The following TLN2 variants were observed in gnomAD, a reference collection of about 807,000 sequenced individuals.
The protein encoded by TLN2 is talin-2.
In TLN2, 118 loss-of-function variants were observed where a neutral mutation model predicts 294.7. The ratio of observed to expected loss-of-function variants is 0.40; its 90% CI spans 0.34 to 0.47. TLN2 has a LOEUF of 0.47. TLN2 is among the 20% of genes least tolerant of loss of function. The pLI is 0.84. For missense variants in TLN2, 3,083 were observed against 3,282.2 expected (o/e 0.94, Z 1.48); for synonymous variants, 1,431 against 1,304.5 (o/e 1.10, Z -2.09).
chr15:62,445,710 A>T (rs2140311809), intron 1 of TLN2, among the ~76,000 whole-genome samples: 1 of 151,734 alleles, frequency 6.6e-6, no homozygotes, highest in African/African-American at 2.4e-5. Context: ...GTCACCGAGG[A>T]TGGAGTGCAA....
chr15:62,405,753 G>C (rs983087288), intron 1 of TLN2, among the ~76,000 whole-genome samples: 15 of 152,184 alleles, frequency 9.9e-5, no homozygotes, highest in African/African-American at 3.6e-4. Flanking sequence ...GTGCTGCTCT[G>C]ACAGAAGGAG....
At chr15:62,809,680 A>T (rs777099721) in intron 51 of TLN2, among the ~76,000 whole-genome samples, 4 of 152,204 alleles carry the variant, frequency 2.6e-5, no homozygotes, top group Non-Finnish European at 5.9e-5. Flanking sequence ...AAAGGTCCAG[A>T]TTGAGCTGTT....
intron 9 of TLN2, among the ~76,000 whole-genome samples, chr15:62,662,516 A>G (rs569822128): frequency 7.9e-5 from 12 of 152,312 alleles, no homozygotes; most frequent in Admixed American, 3.3e-4. Flanking sequence ...TAAGTCCAAC[A>G]TGACATATGT....
intron 1 of TLN2, among the ~76,000 whole-genome samples, chr15:62,467,079 A>G (rs1373888950): frequency 6.6e-6 from 1 of 152,224 alleles, no homozygotes; most frequent in Non-Finnish European, 1.5e-5. Flanking sequence ...GGCAGATTTT[A>G]AAGTTGACCA....
chr15:62,563,261 T>G (rs746020736), intron 1 of TLN2, among the ~76,000 whole-genome samples: 1 of 152,174 alleles, frequency 6.6e-6, no homozygotes, highest in Non-Finnish European at 1.5e-5. Flanking sequence ...ACATCTATTA[T>G]GTTTTTTATT....
At chr15:62,467,684 CAA>C (rs11290809) in intron 1 of TLN2, among the ~76,000 whole-genome samples, 1 of 150,878 alleles carries the variant, frequency 6.6e-6, no homozygotes, top group Non-Finnish European at 1.5e-5. Context: ...GACTCTGTCT[CAA>C]AAAAAAAATT....
At chr15:62,410,346 T>C (rs1566950222) in intron 1 of TLN2, among the ~76,000 whole-genome samples, 1 of 152,094 alleles carries the variant, frequency 6.6e-6, no homozygotes. Context: ...AAGTTAGAGA[T>C]AAATAAAGTA....
chr15:62,495,177 T>A (rs1271592090), intron 1 of TLN2, among the ~76,000 whole-genome samples: 7 of 152,244 alleles, frequency 4.6e-5, no homozygotes, highest in African/African-American at 1.7e-4. Context: ...TTTTTCATCC[T>A]ATTATTTCCA....
At chr15:62,785,377 G>A (rs1236348838) in intron 45 of TLN2, among the ~76,000 whole-genome samples, 2 of 152,186 alleles carry the variant, frequency 1.3e-5, no homozygotes, top group Non-Finnish European at 2.9e-5. Context: ...TGGACAAAAG[G>A]AAAAGTGGGC....
intron 28 of TLN2, among the ~76,000 whole-genome samples, chr15:62,730,343 T>C (rs2060654014): frequency 6.6e-6 from 1 of 152,166 alleles, no homozygotes. Context: ...CCCAGCCTTA[T>C]GTTTTAATTC....
At chr15:62,701,636 C>A (rs1170923488) in intron 17 of TLN2, among the ~76,000 whole-genome samples, 1 of 152,156 alleles carries the variant, frequency 6.6e-6, no homozygotes, top group Non-Finnish European at 1.5e-5. Flanking sequence ...CTTTCACTGT[C>A]AGAGGAGAGC....
intron 43 of TLN2, among the ~76,000 whole-genome samples, chr15:62,778,562 A>G (rs1483249946): frequency 1.3e-5 from 2 of 152,378 alleles, no homozygotes; most frequent in South Asian, 2.1e-4. Flanking sequence ...CGTCAGATCC[A>G]AAGTCTTTCT....
At chr15:62,833,685 G>A (rs993514327) in intron 55 of TLN2, 56 bp downstream of exon 55, 16 of 1,578,446 alleles carry the variant, frequency 1.0e-5, no homozygotes, top group African/African-American at 1.4e-5. Context: ...GCCTCAGGGG[G>A]CCCAGGAAAA....
chr15:62,499,316 G>A (rs949715233), intron 1 of TLN2, among the ~76,000 whole-genome samples: 8 of 152,120 alleles, frequency 5.3e-5, no homozygotes, highest in African/African-American at 1.7e-4. Flanking sequence ...CAGGCGTGGT[G>A]GTGCTCACCT....
intron 50 of TLN2, among the ~76,000 whole-genome samples, chr15:62,805,223 G>C (rs1034653385): frequency 1.3e-4 from 1 of 7,898 alleles, no homozygotes; most frequent in Non-Finnish European, 6.1e-4. Flanking sequence ...CTGGGACTGA[G>C]AGTGTATGGA....
intron 16 of TLN2, 98 bp from the exon 17 acceptor site, chr15:62,701,008 T>C: frequency 9.4e-7 from 1 of 1,061,506 alleles, no homozygotes; most frequent in Non-Finnish European, 1.4e-6. Flanking sequence ...ATAAGAAGAA[T>C]GTAGCCAAAA....
At chr15:62,773,003 G>A (rs1220279992) in intron 42 of TLN2, among the ~76,000 whole-genome samples, 1 of 152,060 alleles carries the variant, frequency 6.6e-6, no homozygotes, top group Non-Finnish European at 1.5e-5. Context: ...TGCTTGGACT[G>A]TAAGTTCAGA....
intron 1 of TLN2, among the ~76,000 whole-genome samples, chr15:62,549,609 G>C (rs1052233482): frequency 2.0e-5 from 3 of 152,168 alleles, no homozygotes; most frequent in African/African-American, 4.8e-5. Flanking sequence ...AAGAGCTCCA[G>C]TCTGGTTGGG....
At chr15:62,783,204 T>A (rs1024435230) in intron 44 of TLN2, among the ~76,000 whole-genome samples, 1 of 152,262 alleles carries the variant, frequency 6.6e-6, no homozygotes, top group Non-Finnish European at 1.5e-5. Flanking sequence ...ATGAGTGTTT[T>A]CCTCTAAAAC....
Sources: gnomAD v4.1 joint callset for allele counts (sites outside exome capture counted in the v4.1 genomes callset) on GRCh38, gnomAD v4.1.1 for gene constraint, MANE v1.5 for transcripts, NCBI Gene and HGNC (gene_info 2026-07-23, HGNC 2026-07-21) for gene names.